Variants in CDK5RAP2 observed in about 807,000 individuals in gnomAD.
The protein encoded by CDK5RAP2 is CDK5 regulatory subunit associated protein 2.
A neutral mutation model predicts 232.9 loss-of-function variants in CDK5RAP2; 147 were observed. That is an observed-to-expected ratio of 0.63 (90% CI 0.55 to 0.72). CDK5RAP2 has a LOEUF of 0.72. Ranked by LOEUF, CDK5RAP2 falls within the 30% of genes least tolerant of loss-of-function variation. The probability of loss-of-function intolerance (pLI) is 0.00; values close to 1 mark genes in which losing one functional copy is unlikely to be tolerated. For missense variants in CDK5RAP2, 2,195 were observed against 2,231.5 expected (o/e 0.98, Z 0.33); for synonymous variants, 833 against 833.7 (o/e 1.00, Z 0.01).
chr9:120,486,023 A>G (rs1250564267), intron 14 of CDK5RAP2, among the ~76,000 whole-genome samples: 3 of 152,372 alleles, frequency 2.0e-5, no homozygotes, highest in Admixed American at 2.0e-4. Context: ...GATACTGAGC[A>G]GATACACAGC....
At chr9:120,480,411 G>T (rs1406477124) in intron 14 of CDK5RAP2, among the ~76,000 whole-genome samples, 2 of 152,118 alleles carry the variant, frequency 1.3e-5, no homozygotes, top group Non-Finnish European at 2.9e-5. Context: ...AATACTAGTA[G>T]TATTACCTTG....
At position 120,400,841 on chromosome 9, in the gene CDK5RAP2, G is replaced by A; in HGVS notation, c.5352C>T (p.Ser1784=). The change falls in exon 35 of 38, where the codon AGC becomes AGT. Residue 1784 remains serine, a synonymous_variant. Coordinates refer to ENST00000349780, the MANE Select transcript of CDK5RAP2 (RefSeq NM_018249.6). The stretch of plus-strand genomic sequence containing the variant: ...CCTCTTCCAGGGTCAGCTTGGCCGT[G>A]CTCACACTGCTCACAAACTTGCTCA... ...APLSKFVSSV[S]TAKLTLEEAY... 6.2e-7 allele frequency: 1 copy of A among 1,614,212 alleles called. No homozygotes were observed. Among genetic ancestry groups the A allele is most frequent in the Non-Finnish European group, 8.5e-7 (1 of 1,180,030 alleles).
At position 120,470,017 on chromosome 9, in the gene CDK5RAP2, C is replaced by A. The variant is rs373332929; in HGVS notation, c.1968+94G>T. ...AGGGGACAGGAAGGAAGGAGAGAGG[C>A]CTTCAGAATCTTAACCTCTCATGAG... On this transcript the variant is annotated intron_variant, in intron 17 of 37. Coordinates refer to ENST00000349780, the MANE Select transcript of CDK5RAP2 (RefSeq NM_018249.6). 1.7e-5 allele frequency: 12 copies of A among 692,320 alleles called. No individual in the cohort carries two copies. The African/African-American group carries it at 2.0e-4, about 11-fold the overall frequency. The allele number at this position is 692,320 out of a possible 1,614,324, so 42.9% of individuals were successfully genotyped here. A position where few individuals can be genotyped will look rare whatever the true frequency, so the allele number is the denominator to read the frequency against.
At chr9:120,462,524 G>C (rs562753141) in intron 18 of CDK5RAP2, among the ~76,000 whole-genome samples, 1 of 150,908 alleles carries the variant, frequency 6.6e-6, no homozygotes, top group South Asian at 2.1e-4. Flanking sequence ...ATTAATAGCA[G>C]AATGAATAAA....
chr9:120,552,266 A>G lies in CDK5RAP2; in HGVS notation c.196-1364T>C, dbSNP rs547811718. Reference sequence around the variant, plus strand: ...GGTGGGACTGTAAACTAGTTCAACCATTGTGGAAGTCAGTGTGGCGATTCC... The same window carrying G: ...GGTGGGACTGTAAACTAGTTCAACCGTTGTGGAAGTCAGTGTGGCGATTCC... On this transcript the variant is annotated intron_variant, in intron 3 of 37. Transcript: ENST00000349780. Among the ~76,000 whole-genome samples the G allele has an allele frequency of 1.9e-3, 286 of 152,088 alleles. 2 individuals are homozygous for G. The highest frequency in any genetic ancestry group is 6.6e-3 in the African/African-American group (272 of 41,514).
intron 1 of CDK5RAP2, among the ~76,000 whole-genome samples, chr9:120,576,789 G>C (rs1430560102): frequency 1.3e-5 from 2 of 152,016 alleles, no homozygotes; most frequent in Non-Finnish European, 2.9e-5. Context: ...AAAAATATCA[G>C]TGAAGGGCAG....
intron 6 of CDK5RAP2, among the ~76,000 whole-genome samples, chr9:120,537,947 T>C (rs904285683): frequency 1.3e-5 from 2 of 152,226 alleles, no homozygotes; most frequent in Admixed American, 1.3e-4. Flanking sequence ...GTGATAAAGC[T>C]AGTAAGTGAC....
chr9:120,455,097 C>T (rs996978321), intron 20 of CDK5RAP2, among the ~76,000 whole-genome samples: 10 of 152,130 alleles, frequency 6.6e-5, no homozygotes, highest in Non-Finnish European at 1.3e-4. Context: ...ACTGGGGATA[C>T]AAAACTGTCC....
At chr9:120,402,555 A>T (rs539749521) in intron 34 of CDK5RAP2, among the ~76,000 whole-genome samples, 1 of 152,290 alleles carries the variant, frequency 6.6e-6, no homozygotes. Flanking sequence ...AGATGTACAG[A>T]GGCCGTCATG....
intron 22 of CDK5RAP2, among the ~76,000 whole-genome samples, chr9:120,446,639 C>T (rs2036209437): frequency 6.6e-6 from 1 of 152,178 alleles, no homozygotes; most frequent in Admixed American, 6.5e-5. Context: ...TGAGAGCCTG[C>T]CTGATCTGCT....
chr9:120,559,472 G>A (rs2042376965), intron 3 of CDK5RAP2, among the ~76,000 whole-genome samples: 1 of 117,394 alleles, frequency 8.5e-6, no homozygotes, highest in African/African-American at 3.3e-5. Flanking sequence ...GGGCAACACA[G>A]AGCAAGACTC....
At position 120,580,088 on chromosome 9, in the gene CDK5RAP2, C is replaced by G; in HGVS notation, c.-110G>C. 1 of 645,336 alleles carries G rather than the reference C, an allele frequency of 1.5e-6. No individual in the cohort carries two copies. The highest frequency in any genetic ancestry group is 2.8e-6 in the Non-Finnish European group (1 of 356,164). 40.0% of individuals were successfully genotyped at this position (645,336 alleles called of 1,614,324 possible). A position where few individuals can be genotyped will look rare whatever the true frequency, so the allele number is the denominator to read the frequency against. On this transcript the variant is annotated 5_prime_UTR_variant, in exon 1 of 38. Transcript: ENST00000349780. ...GGTCCCCGCCCCCTCCACCCCAGCT[C>G]TTGTTCAGACTCTGGCGGCGCCGCT... is the stretch of plus-strand genomic sequence containing the variant.
intron 12 of CDK5RAP2, among the ~76,000 whole-genome samples, chr9:120,513,916 C>G (rs1396682379): frequency 2.6e-5 from 4 of 152,166 alleles, no homozygotes. Context: ...AGCTGGTAAG[C>G]TATGCAAGGC....
chr9:120,518,745 A>G, intron 11 of CDK5RAP2, 100 bp from the exon 12 acceptor site: 2 of 898,290 alleles, frequency 2.2e-6, no homozygotes, highest in Non-Finnish European at 3.6e-6. Context: ...AAAAAAAGAA[A>G]AGAAAAAGAT....
chr9:120,425,358 C>T (rs139362399), intron 25 of CDK5RAP2, among the ~76,000 whole-genome samples: 169 of 152,204 alleles, frequency 1.1e-3, no homozygotes, highest in Admixed American at 2.0e-3. Flanking sequence ...TGGAAACTGC[C>T]CTCACACAGG....
intron 12 of CDK5RAP2, among the ~76,000 whole-genome samples, chr9:120,509,902 T>C (rs949727667): frequency 2.6e-5 from 4 of 152,114 alleles, no homozygotes; most frequent in Non-Finnish European, 5.9e-5. Flanking sequence ...TCATTTAAAC[T>C]GCACATTATT....
At chr9:120,444,031 T>C (rs1564225347) in intron 22 of CDK5RAP2, among the ~76,000 whole-genome samples, 1 of 152,212 alleles carries the variant, frequency 6.6e-6, no homozygotes, top group Admixed American at 6.5e-5. Context: ...AGAGAGGCCC[T>C]AGGGTCTCCT....
intron 13 of CDK5RAP2, among the ~76,000 whole-genome samples, chr9:120,488,074 C>T (rs1274126082): frequency 3.3e-5 from 5 of 152,128 alleles, no homozygotes; most frequent in Non-Finnish European, 4.4e-5. Flanking sequence ...ACAACAGGAC[C>T]GGAGACCATA....
rs754122922 is a variant in CDK5RAP2, at chr9:120,447,497, A to T, written c.3025+398T>A. Among the ~76,000 whole-genome samples, 7 of 152,202 alleles carry T rather than the reference A, an allele frequency of 4.6e-5. No individual in the cohort carries two copies. In the South Asian group the frequency reaches 1.0e-3, roughly 23 times the overall value. The stretch of plus-strand genomic sequence containing the variant: ...AGACGCAAGGTTAGTAAGGTTTGGA[A>T]TTAGCCCCAAGTTGGCCTGGACATT... On this transcript the variant is annotated intron_variant, in intron 22 of 37. Transcript: ENST00000349780.
Sources: allele counts gnomAD v4.1 joint callset (sites outside exome capture counted in the v4.1 genomes callset), GRCh38; gene constraint gnomAD v4.1.1; transcripts MANE v1.5; gene names NCBI Gene and HGNC (gene_info 2026-07-23, HGNC 2026-07-21).